PARD3B: variants seen among roughly 807,000 people sequenced by gnomAD.
The protein encoded by PARD3B is par-3 family cell polarity regulator beta.
PARD3B carries 103 observed loss-of-function variants against 130.2 expected under a neutral mutation model. That is an observed-to-expected ratio of 0.79 (90% CI 0.67 to 0.93). The LOEUF is 0.93. Among genes scored for constraint, PARD3B ranks in the 40% least tolerant of loss-of-function variants. The pLI is 0.00. For synonymous variants in PARD3B, 583 were observed against 553.2 expected, an observed-to-expected ratio of 1.05 and a Z score of -0.76; for missense variants, 1,609 against 1,499.2, an observed-to-expected ratio of 1.07 and a Z score of -1.21.
At chr2:204,656,669 A>G (rs574531276) in intron 1 of PARD3B, among the ~76,000 whole-genome samples, 7 of 152,154 alleles carry the variant, frequency 4.6e-5, no homozygotes, top group Non-Finnish European at 8.8e-5. Flanking sequence ...TTCCAGTTTT[A>G]CATTTTTGAA....
intron 18 of PARD3B, among the ~76,000 whole-genome samples, chr2:205,369,061 A>G (rs1468054552): frequency 1.3e-5 from 2 of 152,208 alleles, no homozygotes; most frequent in African/African-American, 4.8e-5. Context: ...TATTTCAAGT[A>G]TAGATACAGC....
chr2:205,103,164 ATT>A (rs1559439357), intron 4 of PARD3B, among the ~76,000 whole-genome samples: 1 of 46,342 alleles, frequency 2.2e-5, no homozygotes, highest in Non-Finnish European at 5.4e-5. Flanking sequence ...AAATAAACAT[ATT>A]TTATATTTAT....
At chr2:204,941,437 A>G (rs1278731513) in intron 2 of PARD3B, among the ~76,000 whole-genome samples, 1 of 152,240 alleles carries the variant, frequency 6.6e-6, no homozygotes, top group Non-Finnish European at 1.5e-5. Context: ...AACATAATTA[A>G]CAACCTGGCT....
rs1338984777 is a variant in PARD3B, at chr2:205,513,861, A to G, written c.3180+13830A>G. ...CAGGAATAAATTGATAAGCGAATGC[A>G]TAGGAAAGAGAGACTAACCAAGAAT... On this transcript the variant is annotated intron_variant, in intron 21 of 22. Coordinates refer to ENST00000406610, the MANE Select transcript of PARD3B (RefSeq NM_001302769.2). Among the ~76,000 whole-genome samples, 4 of 152,236 alleles carry G rather than the reference A, an allele frequency of 2.6e-5. No individual in the cohort carries two copies. In the East Asian group the frequency reaches 5.8e-4, roughly 22 times the overall value.
At chr2:205,039,344 C>A (rs1698232293) in intron 3 of PARD3B, among the ~76,000 whole-genome samples, 1 of 152,114 alleles carries the variant, frequency 6.6e-6, no homozygotes, top group Non-Finnish European at 1.5e-5. Flanking sequence ...AAGCATCTTA[C>A]CAGATATGTC....
At chr2:205,083,086 A>C (rs1352714762) in intron 4 of PARD3B, among the ~76,000 whole-genome samples, 2 of 151,786 alleles carry the variant, frequency 1.3e-5, no homozygotes, top group Non-Finnish European at 2.9e-5. Context: ...TGCCTGGCTA[A>C]TTTTTTGTAT....
At chr2:205,339,151 T>C (rs1179320910) in intron 18 of PARD3B, among the ~76,000 whole-genome samples, 1 of 152,176 alleles carries the variant, frequency 6.6e-6, no homozygotes, top group Non-Finnish European at 1.5e-5. Flanking sequence ...TTATATAGTA[T>C]TTTTTTGTTT....
At chr2:205,056,125 C>G (rs183327521) in intron 4 of PARD3B, among the ~76,000 whole-genome samples, 1 of 151,792 alleles carries the variant, frequency 6.6e-6, no homozygotes, top group East Asian at 1.9e-4. Context: ...TGAGAAGAAG[C>G]AAGACAATTG....
At chr2:204,595,051 G>C (rs2033227656) in intron 1 of PARD3B, among the ~76,000 whole-genome samples, 1 of 152,180 alleles carries the variant, frequency 6.6e-6, no homozygotes, top group Non-Finnish European at 1.5e-5. Context: ...GTTAGCAAGT[G>C]TGATGTTGTT....
At chr2:205,201,275 G>A (rs1321772660) in intron 15 of PARD3B, among the ~76,000 whole-genome samples, 1 of 152,074 alleles carries the variant, frequency 6.6e-6, no homozygotes, top group Admixed American at 6.6e-5. Flanking sequence ...GATACATCAA[G>A]CAATGATAAT....
In PARD3B at chr2:204,593,722, C is replaced by T. The variant is rs117817576; in HGVS notation, c.120+47603C>T. 9.1e-4 allele frequency among the ~76,000 whole-genome samples: 138 copies of T among 152,248 alleles called. 2 individuals carry two copies. In the East Asian group the frequency reaches 0.024, roughly 27 times the overall value. On this transcript the variant is annotated intron_variant, in intron 1 of 22. Coordinates refer to ENST00000406610, the MANE Select transcript of PARD3B (RefSeq NM_001302769.2). ...GAGTCAGAAGTATCATTTCTATTAA[C>T]CAGCAAAGTCAAACTTCACTCCAGG... is the stretch of plus-strand genomic sequence containing the variant.
At chr2:205,231,030 G>A (rs1270515109) in intron 15 of PARD3B, among the ~76,000 whole-genome samples, 1 of 152,122 alleles carries the variant, frequency 6.6e-6, no homozygotes, top group African/African-American at 2.4e-5. Context: ...GGGAGTGGTG[G>A]TGTCAGCAAA....
chr2:205,298,073 G>T (rs985974659), intron 16 of PARD3B, among the ~76,000 whole-genome samples: 2 of 152,132 alleles, frequency 1.3e-5, no homozygotes, highest in African/African-American at 4.8e-5. Context: ...TCACTTTCAT[G>T]TTCCCTGGAA....
chr2:205,516,350 A>T (rs1392796511), intron 21 of PARD3B, among the ~76,000 whole-genome samples: 1 of 152,164 alleles, frequency 6.6e-6, no homozygotes, highest in Non-Finnish European at 1.5e-5. Context: ...TGCTTTGGCC[A>T]GTATGGCCAT....
At chr2:204,692,841 G>A (rs1214324808) in intron 2 of PARD3B, among the ~76,000 whole-genome samples, 1 of 151,990 alleles carries the variant, frequency 6.6e-6, no homozygotes, top group Admixed American at 6.6e-5. Context: ...TAGAATCATG[G>A]ATCCAAACAA....
chr2:204,663,313 T>G (rs180989882), intron 1 of PARD3B, among the ~76,000 whole-genome samples: 1 of 152,324 alleles, frequency 6.6e-6, no homozygotes, highest in East Asian at 1.9e-4. Flanking sequence ...GGACACATCC[T>G]TCTACTGAAT....
At chr2:205,395,171 C>A (rs1170477963) in intron 18 of PARD3B, among the ~76,000 whole-genome samples, 1 of 152,158 alleles carries the variant, frequency 6.6e-6, no homozygotes, top group Non-Finnish European at 1.5e-5. Context: ...TACCTCCCTC[C>A]CAGCCAACCA....
chr2:205,182,246 C>G (rs62172730), intron 13 of PARD3B, among the ~76,000 whole-genome samples: 7 of 151,330 alleles, frequency 4.6e-5, no homozygotes, highest in Non-Finnish European at 7.4e-5. Flanking sequence ...GAGCCAAGAT[C>G]GCACCACTGC....
At chr2:204,739,418 T>C (rs1246205423) in intron 2 of PARD3B, among the ~76,000 whole-genome samples, 1 of 152,168 alleles carries the variant, frequency 6.6e-6, no homozygotes, top group African/African-American at 2.4e-5. Context: ...TGTCTATTTA[T>C]TGAAATGTGT....
Sources: gnomAD v4.1 joint callset for allele counts (sites outside exome capture counted in the v4.1 genomes callset) on GRCh38, gnomAD v4.1.1 for gene constraint, MANE v1.5 for transcripts, NCBI Gene and HGNC (gene_info 2026-07-23, HGNC 2026-07-21) for gene names.